The following EXOC6 variants were observed in gnomAD, a reference collection of about 807,000 sequenced individuals.
EXOC6 encodes the protein SEC15-like 1.
EXOC6 carries 60 observed loss-of-function variants against 112.5 expected under a neutral mutation model. That is an observed-to-expected ratio of 0.53 (90% CI 0.43 to 0.66). EXOC6 has a LOEUF of 0.66. EXOC6 is among the 30% of genes least tolerant of loss of function. The probability of loss-of-function intolerance (pLI) is 0.00; values close to 1 mark genes in which losing one functional copy is unlikely to be tolerated. For missense variants in EXOC6, 855 were observed against 957.1 expected, an observed-to-expected ratio of 0.89 and a Z score of 1.41; for synonymous variants, 295 against 308.0, an observed-to-expected ratio of 0.96 and a Z score of 0.44.
At chr10:92,866,327 A>G (rs190548651) in intron 1 of EXOC6, among the ~76,000 whole-genome samples, 45 of 152,302 alleles carry the variant, frequency 3.0e-4, no homozygotes, top group African/African-American at 1.0e-3. Context: ...ATAAACTCCT[A>G]TAGCCACAAA....
At chr10:92,870,931 A>G (rs1848416165) in intron 1 of EXOC6, among the ~76,000 whole-genome samples, 1 of 152,128 alleles carries the variant, frequency 6.6e-6, no homozygotes, top group Non-Finnish European at 1.5e-5. Context: ...AATGGTCTCG[A>G]TCTGCTGACC....
At chr10:92,848,462 C>A (rs1274379664), upstream of EXOC6, 1 of 1,151,410 alleles carries the variant, frequency 8.7e-7, no homozygotes, top group Non-Finnish European at 1.1e-6. Flanking sequence ...CCTTCGCGCT[C>A]GCGCCACTTG....
chr10:93,049,012 T>C lies in EXOC6; in HGVS notation c.2170-7912T>C, dbSNP rs577294183. On this transcript the variant is annotated intron_variant, in intron 20 of 21. Coordinates refer to ENST00000260762, the MANE Select transcript of EXOC6 (RefSeq NM_019053.6). ...CTCCTAGATATATACCCAAGAGAAA[T>C]GGAAACAGTTTTTTACAAACACCTT... is the stretch of plus-strand genomic sequence containing the variant. 1.3e-4 allele frequency among the ~76,000 whole-genome samples: 20 copies of C among 151,970 alleles called. No individual in the cohort carries two copies. The South Asian group carries it at 3.9e-3, about 30-fold the overall frequency.
At chr10:92,884,766 A>C (rs528328456) in intron 1 of EXOC6, among the ~76,000 whole-genome samples, 1 of 152,312 alleles carries the variant, frequency 6.6e-6, no homozygotes, top group African/African-American at 2.4e-5. Context: ...AAAGATACCC[A>C]AAATAGTGTA....
chr10:92,971,631 C>T (rs542709615), intron 17 of EXOC6, among the ~76,000 whole-genome samples: 7 of 149,242 alleles, frequency 4.7e-5, no homozygotes, highest in Non-Finnish European at 7.5e-5. Context: ...CCACCTGCCT[C>T]GGCCTCCCAA....
At chr10:92,882,415 G>T (rs1470112447) in intron 1 of EXOC6, among the ~76,000 whole-genome samples, 4 of 151,830 alleles carry the variant, frequency 2.6e-5, no homozygotes, top group Non-Finnish European at 4.4e-5. Flanking sequence ...ATGATGGCAG[G>T]TGCCTGTAAT....
At chr10:93,031,255 T>TAA (rs11393662) in intron 20 of EXOC6, among the ~76,000 whole-genome samples, 5 of 151,162 alleles carry the variant, frequency 3.3e-5, no homozygotes, top group Admixed American at 6.6e-5. Flanking sequence ...AAGAATACTT[T>TAA]AAAAAAAAAG....
intron 20 of EXOC6, among the ~76,000 whole-genome samples, chr10:93,030,790 T>A (rs1845235819): frequency 2.6e-5 from 4 of 152,214 alleles, no homozygotes; most frequent in Admixed American, 2.6e-4. Flanking sequence ...GATGTTTTAG[T>A]AAAATGATCA....
At chr10:92,879,142 C>G (rs1848825743) in intron 1 of EXOC6, among the ~76,000 whole-genome samples, 1 of 152,078 alleles carries the variant, frequency 6.6e-6, no homozygotes, top group Admixed American at 6.6e-5. Flanking sequence ...TAATGTTTTC[C>G]CCCTATAAAA....
chr10:92,920,483 G>A (rs907582779), intron 8 of EXOC6, among the ~76,000 whole-genome samples: 1 of 152,134 alleles, frequency 6.6e-6, no homozygotes, highest in Non-Finnish European at 1.5e-5. Flanking sequence ...ACAAGGATGT[G>A]CAACCATTAC....
intron 1 of EXOC6, among the ~76,000 whole-genome samples, chr10:92,882,544 C>CAAA (rs386372107): frequency 3.4e-4 from 38 of 112,886 alleles, no homozygotes; most frequent in African/African-American, 9.0e-4. Context: ...GGCTCTGTCT[C>CAAA]AAAAAAAAAA....
upstream of EXOC6, among the ~76,000 whole-genome samples, chr10:92,831,923 A>G (rs2133563218): frequency 6.6e-6 from 1 of 152,272 alleles, no homozygotes. Flanking sequence ...AAGTTTGAAA[A>G]TTTTCAAAAT....
intron 19 of EXOC6, among the ~76,000 whole-genome samples, chr10:93,004,640 C>T (rs764523148): frequency 8.5e-5 from 13 of 152,052 alleles, no homozygotes; most frequent in South Asian, 2.1e-4. Flanking sequence ...GGATCTTTTC[C>T]TGTTTTTCTA....
At chr10:93,036,683 A>C (rs1029294414) in intron 20 of EXOC6, among the ~76,000 whole-genome samples, 2 of 152,256 alleles carry the variant, frequency 1.3e-5, no homozygotes, top group Non-Finnish European at 2.9e-5. Context: ...AATTATTTTT[A>C]AAAGAGATAC....
intron 2 of EXOC6, 41 bp downstream of exon 2, chr10:92,893,561 A>G: frequency 6.6e-7 from 1 of 1,518,324 alleles, no homozygotes; most frequent in Non-Finnish European, 8.9e-7. Flanking sequence ...GTTCTCATTA[A>G]ATTACTCAAG....
At chr10:92,987,654 T>C (rs1171638914) in intron 18 of EXOC6, 5 of 981,504 alleles carry the variant, frequency 5.1e-6, no homozygotes, top group South Asian at 4.7e-5. Flanking sequence ...TAAGTAGATA[T>C]AAACTAAAGC....
chr10:92,865,536 G>A (rs931036732), intron 1 of EXOC6, among the ~76,000 whole-genome samples: 2 of 152,044 alleles, frequency 1.3e-5, no homozygotes, highest in Non-Finnish European at 2.9e-5. Flanking sequence ...GACGCCTCCC[G>A]GGCTCAAGCG....
intron 1 of EXOC6, among the ~76,000 whole-genome samples, chr10:92,835,869 C>T (rs1044644028): frequency 6.6e-6 from 1 of 152,136 alleles, no homozygotes; most frequent in Non-Finnish European, 1.5e-5. Context: ...ATACCTTTGT[C>T]TTATCTGAGC....
intron 7 of EXOC6, among the ~76,000 whole-genome samples, chr10:92,916,382 C>T (rs1341986044): frequency 1.3e-5 from 2 of 152,062 alleles, no homozygotes; most frequent in Non-Finnish European, 2.9e-5. Flanking sequence ...TGGTGGTGGG[C>T]ACCTCTAGTC....
Sources: gnomAD v4.1 joint callset for allele counts (sites outside exome capture counted in the v4.1 genomes callset) on GRCh38, gnomAD v4.1.1 for gene constraint, MANE v1.5 for transcripts, NCBI Gene and HGNC (gene_info 2026-07-23, HGNC 2026-07-21) for gene names.